The following PACC1 variants were observed in gnomAD, a reference collection of about 807,000 sequenced individuals.
The protein encoded by PACC1 is proton-activated chloride channel.
Under a neutral mutation model 39.7 loss-of-function variants are expected in PACC1, and 34 were observed. The observed-to-expected ratio is 0.86, with a 90% CI of 0.65 to 1.14. PACC1 has a LOEUF of 1.14. Ranked by LOEUF, PACC1 falls within the 50% of genes most tolerant of loss-of-function variation. PACC1 has a pLI of 0.00. For synonymous variants in PACC1, 127 were observed against 160.6 expected (o/e 0.79, Z 1.58); for missense variants, 379 against 436.4 (o/e 0.87, Z 1.17).
rs767146631 is a variant in PACC1 at position 212,380,056 on chromosome 1, CAG to C, written c.496-21_496-20del. The C allele has an allele frequency of 1.9e-6, 3 of 1,612,902 alleles. No homozygotes were observed. The highest frequency in any genetic ancestry group is 1.1e-5 in the South Asian group (1 of 91,014). Reference sequence around the variant, plus strand: ...CAGATTTCTGCAGAGAGAAAAAGGACAGAGTCTCAGTCCTGGGAGAGTACACA... The same window carrying C: ...CAGATTTCTGCAGAGAGAAAAAGGACAGTCTCAGTCCTGGGAGAGTACACA... On this transcript the variant is annotated intron_variant, in intron 4 of 7. Transcript: ENST00000261455.
Position 212,410,365 on chromosome 1 carries a change from G to A in PACC1, c.133+60C>T. ...CTCCTCCTCTCCCACAGTTGGCAAG[G>A]CGCCTAGACTGGGGTGTCCAGCTGC... On this transcript the variant is annotated intron_variant, in intron 2 of 7. Coordinates refer to ENST00000261455, the MANE Select transcript of PACC1 (RefSeq NM_018252.3). 5 of 1,506,390 alleles carry A rather than the reference G, an allele frequency of 3.3e-6. No homozygotes were observed. The South Asian group carries it at 4.5e-5, about 14-fold the overall frequency. The allele number at this position is 1,506,390 out of a possible 1,614,324, so 93.3% of individuals were successfully genotyped here. A position where few individuals can be genotyped will look rare whatever the true frequency, so the allele number is the denominator to read the frequency against.
intron 2 of PACC1, among the ~76,000 whole-genome samples, chr1:212,396,558 A>G (rs1443378140): frequency 6.6e-6 from 1 of 152,052 alleles, no homozygotes; most frequent in Admixed American, 6.6e-5. Flanking sequence ...CATTGCGCAC[A>G]TGTACCCTAG....
At chr1:212,403,391 G>A (rs928364155) in intron 2 of PACC1, among the ~76,000 whole-genome samples, 2 of 152,090 alleles carry the variant, frequency 1.3e-5, no homozygotes. Flanking sequence ...ATGTTTGTGA[G>A]GTTCAGTCTT....
chr1:212,409,894 T>C (rs1662059274), intron 2 of PACC1, among the ~76,000 whole-genome samples: 1 of 152,104 alleles, frequency 6.6e-6, no homozygotes. Context: ...GTGACCGCAA[T>C]GGAGCCTGGA....
At chr1:212,387,144 G>A in intron 2 of PACC1, 44 bp from the exon 3 acceptor site, 2 of 1,599,970 alleles carry the variant, frequency 1.3e-6, no homozygotes, top group African/African-American at 1.3e-5. Flanking sequence ...ACAGGGACAA[G>A]GTACAGACAG....
intron 2 of PACC1, among the ~76,000 whole-genome samples, chr1:212,397,627 G>A (rs971562218): frequency 1.1e-4 from 17 of 152,160 alleles, no homozygotes; most frequent in African/African-American, 3.9e-4. Context: ...GCTTCAGGGA[G>A]ATATCAAATG....
chr1:212,369,518 T>C (rs1322664825), intron 7 of PACC1, among the ~76,000 whole-genome samples: 1 of 152,192 alleles, frequency 6.6e-6, no homozygotes, highest in Non-Finnish European at 1.5e-5. Context: ...TGATGGCTTA[T>C]GCCTATAATC....
chr1:212,414,639 A>ACCC, intron 1 of PACC1, 83 bp downstream of exon 1: 1 of 1,415,948 alleles, frequency 7.1e-7, no homozygotes, highest in Non-Finnish European at 9.8e-7. Flanking sequence ...CAGCCCCGAC[A>ACCC]CCCCCCGCCC....
At chr1:212,413,524 T>G (rs932761713) in intron 1 of PACC1, among the ~76,000 whole-genome samples, 4 of 152,192 alleles carry the variant, frequency 2.6e-5, no homozygotes. Flanking sequence ...CCTTGACTTC[T>G]GGGGGCATTT....
intron 1 of PACC1, 132 bp from the exon 2 acceptor site, chr1:212,410,653 A>G (rs1186233174): frequency 1.2e-6 from 1 of 819,746 alleles, no homozygotes; most frequent in Admixed American, 1.8e-5. Flanking sequence ...AGTGTGTTAC[A>G]GCAATTTTAC....
intron 2 of PACC1, among the ~76,000 whole-genome samples, chr1:212,408,465 A>C (rs896724529): frequency 6.6e-6 from 1 of 151,718 alleles, no homozygotes; most frequent in African/African-American, 2.4e-5. Flanking sequence ...GGTTCAAGCG[A>C]TTCTCCTGCC....
chr1:212,379,771 G>A (rs1660806538), intron 5 of PACC1, 124 bp downstream of exon 5: 1 of 1,225,966 alleles, frequency 8.2e-7, no homozygotes, highest in African/African-American at 1.5e-5. Flanking sequence ...CTGGGCCAGT[G>A]GGTCATCTGA....
chr1:212,379,851 A>T (rs1304172965), intron 5 of PACC1, 44 bp downstream of exon 5: 2 of 1,611,342 alleles, frequency 1.2e-6, no homozygotes, highest in South Asian at 2.2e-5. Context: ...CTGGAATAAG[A>T]TAAAAAGTAG....
intron 2 of PACC1, among the ~76,000 whole-genome samples, chr1:212,390,007 A>G (rs1235525947): frequency 6.6e-6 from 1 of 152,202 alleles, no homozygotes; most frequent in Admixed American, 6.5e-5. Flanking sequence ...AAGTTAAATC[A>G]ACAGAAACTA....
chr1:212,389,129 C>T (rs1162012721), intron 2 of PACC1, among the ~76,000 whole-genome samples: 2 of 152,208 alleles, frequency 1.3e-5, no homozygotes, highest in Non-Finnish European at 2.9e-5. Flanking sequence ...GAGATTTATA[C>T]ATCTGTAGCT....
intron 7 of PACC1, among the ~76,000 whole-genome samples, chr1:212,372,538 TGAAAA>T (rs2102471528): frequency 6.6e-6 from 1 of 152,096 alleles, no homozygotes; most frequent in East Asian, 1.9e-4. Context: ...GCATCTGAAT[TGAAAA>T]GAAGTCAAAC....
At chr1:212,414,196 C>A (rs1662242578) in intron 1 of PACC1, 1 of 1,193,986 alleles carries the variant, frequency 8.4e-7, no homozygotes, top group Non-Finnish European at 1.1e-6. Context: ...CATGAAGGCA[C>A]TTTTTCAAAG....
chr1:212,387,389 A>G (rs1170116963), intron 2 of PACC1, among the ~76,000 whole-genome samples: 2 of 152,262 alleles, frequency 1.3e-5, no homozygotes, highest in African/African-American at 2.4e-5. Context: ...AAAAATGTTA[A>G]AAGAAAAAGC....
chr1:212,414,271 G>A (rs916843787), intron 1 of PACC1, among the ~76,000 whole-genome samples: 2 of 152,204 alleles, frequency 1.3e-5, no homozygotes, highest in Admixed American at 1.3e-4. Flanking sequence ...CGAGGCCTTG[G>A]GCTTGGAGGG....
Sources: allele counts gnomAD v4.1 joint callset (sites outside exome capture counted in the v4.1 genomes callset), GRCh38; gene constraint gnomAD v4.1.1; transcripts MANE v1.5; gene names NCBI Gene and HGNC (gene_info 2026-07-23, HGNC 2026-07-21).